NXN: variants seen among roughly 807,000 people sequenced by gnomAD.
The protein encoded by NXN is nucleoredoxin 1.
A neutral mutation model predicts 48.6 loss-of-function variants in NXN; 16 were observed. The observed-to-expected ratio is 0.33, with a 90% CI of 0.22 to 0.50. NXN has a LOEUF of 0.50. NXN is among the 20% of genes least tolerant of loss of function. The pLI, the probability that NXN is intolerant of heterozygous loss-of-function variation, is 0.98. For synonymous variants in NXN, 281 were observed against 269.6 expected (o/e 1.04, Z -0.41); for missense variants, 492 against 605.5 (o/e 0.81, Z 1.97).
intron 1 of NXN, among the ~76,000 whole-genome samples, chr17:895,597 G>A (rs1009622779): frequency 6.6e-6 from 1 of 150,558 alleles, no homozygotes; most frequent in Admixed American, 6.6e-5. Context: ...CGGATCACAG[G>A]GTCAGGAGAT....
At chr17:802,121 G>A (rs532817009) in intron 7 of NXN, among the ~76,000 whole-genome samples, 1 of 152,100 alleles carries the variant, frequency 6.6e-6, no homozygotes, top group Non-Finnish European at 1.5e-5. Flanking sequence ...ATTTGTAAGG[G>A]AGCTACTTTT....
intron 5 of NXN, among the ~76,000 whole-genome samples, chr17:816,355 T>TGAGG (rs74677972): frequency 0.71 from 107,366 of 151,576 alleles, 39,666 homozygotes; most frequent in African/African-American, 0.91. Flanking sequence ...TCATGGTCTC[T>TGAGG]AAGGAGAGTG....
At chr17:889,708 AAAG>A (rs1467302627) in intron 1 of NXN, among the ~76,000 whole-genome samples, 3 of 44,120 alleles carry the variant, frequency 6.8e-5, no homozygotes, top group Non-Finnish European at 1.4e-4. Context: ...AAAAAGAAAG[AAAG>A]AAAGAAAGAA....
chr17:877,533 A>T (rs1379805874), intron 1 of NXN, among the ~76,000 whole-genome samples: 1 of 152,212 alleles, frequency 6.6e-6, no homozygotes, highest in Non-Finnish European at 1.5e-5. Flanking sequence ...CTGGGAACAG[A>T]AAGATAATTG....
Position 979,458 on chromosome 17 carries a change from GC to G in NXN, c.220del (p.Ala74ProfsTer62). ...CGGCTCGGGCTCCGCCGCCGCCCCG[GC>G]CCCCGCTCCCGGCCCCGGCCCGGCC... Reference protein sequence around the residue: ...AAAGPGPGAGAGAAAEPEPRR... With the variant: ...AAAGPGPGAGXGAAAEPEPRR... On this transcript the variant is annotated frameshift_variant, in exon 1 of 8. Coordinates refer to ENST00000336868, the MANE Select transcript of NXN (RefSeq NM_022463.5). LOFTEE classifies it high-confidence loss of function. 2.5e-6 allele frequency: 3 copies of G among 1,218,460 alleles called. No homozygotes were observed. The highest frequency in any genetic ancestry group is 2.7e-5 in the South Asian group (1 of 36,398). 75.5% of individuals were successfully genotyped at this position (1,218,460 alleles called of 1,614,324 possible).
chr17:855,357 C>T (rs2067974176), intron 1 of NXN, among the ~76,000 whole-genome samples: 1 of 152,134 alleles, frequency 6.6e-6, no homozygotes, highest in African/African-American at 2.4e-5. Context: ...GGTCTGATAG[C>T]GCCCAAGGGG....
intron 1 of NXN, among the ~76,000 whole-genome samples, chr17:897,693 C>T (rs9897377): frequency 0.12 from 17,476 of 142,338 alleles, 2,305 homozygotes; most frequent in African/African-American, 0.32. Flanking sequence ...ATTCTTTTTT[C>T]GAGATGGAGT....
intron 1 of NXN, among the ~76,000 whole-genome samples, chr17:939,534 T>TG (rs1430946443): frequency 4.6e-5 from 7 of 152,154 alleles, no homozygotes; most frequent in African/African-American, 1.7e-4. Flanking sequence ...TTAGTAGAGA[T>TG]GGGGTTTCAC....
At chr17:868,166 A>G (rs562432586) in intron 1 of NXN, among the ~76,000 whole-genome samples, 14 of 152,094 alleles carry the variant, frequency 9.2e-5, no homozygotes, top group African/African-American at 2.9e-4. Context: ...CCTGGGAACC[A>G]TTCCCCAGAA....
chr17:811,970 C>G (rs541390764), intron 5 of NXN, among the ~76,000 whole-genome samples: 7 of 138,832 alleles, frequency 5.0e-5, no homozygotes, highest in Non-Finnish European at 1.1e-4. Flanking sequence ...CTCTGTCGCC[C>G]AGGCTGGAGT....
At chr17:959,720 G>A (rs552745517) in intron 1 of NXN, among the ~76,000 whole-genome samples, 6 of 152,060 alleles carry the variant, frequency 3.9e-5, no homozygotes, top group Admixed American at 2.0e-4. Flanking sequence ...TTTAAACCCG[G>A]GAGGTGAAGG....
chr17:821,618 G>C (rs142214264), intron 4 of NXN, among the ~76,000 whole-genome samples: 2,316 of 77,356 alleles, frequency 0.03, 877 homozygotes, highest in South Asian at 0.076. Flanking sequence ...AGGCATGCTG[G>C]TGGGCGCCTG....
intron 1 of NXN, among the ~76,000 whole-genome samples, chr17:850,917 C>T (rs1395930066): frequency 6.6e-6 from 1 of 152,142 alleles, no homozygotes; most frequent in African/African-American, 2.4e-5. Context: ...GTTTCTGAGG[C>T]GGCAACGAGA....
chr17:936,322 C>T (rs989605174), intron 1 of NXN, among the ~76,000 whole-genome samples: 1 of 151,986 alleles, frequency 6.6e-6, no homozygotes, highest in Non-Finnish European at 1.5e-5. Context: ...GTTCTTCTCC[C>T]GTGGGGTGGA....
At chr17:957,644 A>G (rs1233872077) in intron 1 of NXN, among the ~76,000 whole-genome samples, 1 of 151,378 alleles carries the variant, frequency 6.6e-6, no homozygotes, top group Non-Finnish European at 1.5e-5. Context: ...AAAAAAAAAA[A>G]AGCATTTCTG....
intron 1 of NXN, among the ~76,000 whole-genome samples, chr17:878,461 G>GT (rs2068243913): frequency 3.7e-5 from 4 of 108,022 alleles, no homozygotes; most frequent in Admixed American, 2.8e-4. Flanking sequence ...CGGGGGTGGG[G>GT]GGACCTTGAA....
At chr17:930,779 T>C (rs2068845071) in intron 1 of NXN, among the ~76,000 whole-genome samples, 1 of 151,772 alleles carries the variant, frequency 6.6e-6, no homozygotes, top group Non-Finnish European at 1.5e-5. Context: ...GTTTGCTTTT[T>C]TTTTTTTTTT....
At chr17:812,747 TGAGA>T (rs372701766) in intron 5 of NXN, among the ~76,000 whole-genome samples, 14 of 120,376 alleles carry the variant, frequency 1.2e-4, no homozygotes, top group East Asian at 4.2e-4. Context: ...GGTGCGTGAG[TGAGA>T]GTGTGCATAT....
chr17:809,457 G>A (rs1046914340), intron 5 of NXN, among the ~76,000 whole-genome samples: 1 of 152,194 alleles, frequency 6.6e-6, no homozygotes, highest in African/African-American at 2.4e-5. Context: ...CACTGCCAAC[G>A]AGACACGGAG....
Sources: gnomAD v4.1 joint callset for allele counts (sites outside exome capture counted in the v4.1 genomes callset) on GRCh38, gnomAD v4.1.1 for gene constraint, MANE v1.5 for transcripts, NCBI Gene and HGNC (gene_info 2026-07-23, HGNC 2026-07-21) for gene names.